Variants in SIPA1L3 observed in about 807,000 individuals in gnomAD.
SIPA1L3 encodes signal induced proliferation associated 1 like 3, also known as signal-induced proliferation-associated 1-like protein 3.
In SIPA1L3, 59 loss-of-function variants were observed where a neutral mutation model predicts 150.1. The ratio of observed to expected loss-of-function variants is 0.39; its 90% CI spans 0.32 to 0.49. The LOEUF is 0.49. Ranked by LOEUF, SIPA1L3 falls within the 20% of genes least tolerant of loss-of-function variation. The pLI, the probability that SIPA1L3 is intolerant of heterozygous loss-of-function variation, is 0.86. For synonymous variants in SIPA1L3, 1,070 were observed against 1,077.6 expected, an observed-to-expected ratio of 0.99 and a Z score of 0.14; for missense variants, 2,211 against 2,489.5, an observed-to-expected ratio of 0.89 and a Z score of 2.38.
At chr19:37,911,361 A>G (rs1420395543) in intron 1 of SIPA1L3, among the ~76,000 whole-genome samples, 2 of 152,038 alleles carry the variant, frequency 1.3e-5, no homozygotes, top group African/African-American at 2.4e-5. Flanking sequence ...AGTTTTTTCA[A>G]TTAATGGCTG....
chr19:38,023,174 C>G (rs1160473714), intron 1 of SIPA1L3, among the ~76,000 whole-genome samples: 2 of 152,196 alleles, frequency 1.3e-5, no homozygotes, highest in Non-Finnish European at 1.5e-5. Flanking sequence ...CGTGGGGCCC[C>G]CAGCACAGTG....
At position 37,913,748 on chromosome 19, in the gene SIPA1L3, G is replaced by A. The variant is rs191347366; in HGVS notation, c.-379+6390G>A. Among the ~76,000 whole-genome samples the A allele has an allele frequency of 1.4e-3, 207 of 149,856 alleles. 1 individual carries two copies. Among genetic ancestry groups the A allele is most frequent in the South Asian group, 2.6e-3 (12 of 4,682 alleles). On this transcript the variant is annotated intron_variant, in intron 1 of 21. Coordinates refer to ENST00000222345, the MANE Select transcript of SIPA1L3 (RefSeq NM_015073.3). Reference sequence around the variant, plus strand: ...AAAAAAAATCCTGGCTGGGCACAGCGGCTCACGCCTGTGATCACAGCACTT... The same window carrying A: ...AAAAAAAATCCTGGCTGGGCACAGCAGCTCACGCCTGTGATCACAGCACTT...
At position 38,046,880 on chromosome 19, in the gene SIPA1L3, TGTATC is replaced by T. The variant is rs1969072478; in HGVS notation, c.-311+17727_-311+17731del. 6.6e-6 allele frequency among the ~76,000 whole-genome samples: 1 copy of T among 152,046 alleles called. No individual in the cohort carries two copies. The highest frequency in any genetic ancestry group is 2.4e-5 in the African/African-American group (1 of 41,388). ...GGGGCTCTCTTTGAGAGCACTTGGG[TGTATC>T]GTGTCTCAGAAAACCCACATGGCTT... On this transcript the variant is annotated intron_variant, in intron 2 of 21. Transcript: ENST00000222345. This position sits in a 1 kb window ranked among gnomAD's most constrained non-coding sequence, Gnocchi z 5.6.
intron 1 of SIPA1L3, among the ~76,000 whole-genome samples, chr19:37,920,338 T>C (rs528297231): frequency 3.3e-5 from 5 of 152,176 alleles, no homozygotes; most frequent in African/African-American, 4.8e-5. Context: ...ATTACAGGCA[T>C]GAGCCCACCA....
intron 16 of SIPA1L3, among the ~76,000 whole-genome samples, chr19:38,188,249 G>A (rs1282952510): frequency 5.9e-5 from 9 of 151,698 alleles, no homozygotes; most frequent in Non-Finnish European, 1.2e-4. Flanking sequence ...ACAGTGGCAT[G>A]ATCACAGCTC....
At chr19:38,143,621 C>T (rs1971643024) in intron 12 of SIPA1L3, among the ~76,000 whole-genome samples, 1 of 148,884 alleles carries the variant, frequency 6.7e-6, no homozygotes, top group Non-Finnish European at 1.5e-5. Context: ...TCACTGCAAC[C>T]TCCACCTCCC....
intron 1 of SIPA1L3, among the ~76,000 whole-genome samples, chr19:38,016,950 G>A (rs1362064069): frequency 1.6e-5 from 2 of 122,846 alleles, no homozygotes; most frequent in Non-Finnish European, 3.2e-5. Flanking sequence ...AGGCTGGAGT[G>A]CAGTGGCGTG....
At chr19:38,017,547 C>G (rs1968267266) in intron 1 of SIPA1L3, among the ~76,000 whole-genome samples, 1 of 145,738 alleles carries the variant, frequency 6.9e-6, no homozygotes, top group Non-Finnish European at 1.5e-5. Context: ...TCTTTTGAGA[C>G]AGAGTCTTGC....
At chr19:38,122,722 A>G (rs1325663689) in intron 9 of SIPA1L3, among the ~76,000 whole-genome samples, 1 of 152,208 alleles carries the variant, frequency 6.6e-6, no homozygotes, top group East Asian at 1.9e-4. Flanking sequence ...TGCCCCAGCC[A>G]TGAAGACCTC....
chr19:38,095,119 T>A (rs1187886230), intron 4 of SIPA1L3, among the ~76,000 whole-genome samples: 1 of 152,138 alleles, frequency 6.6e-6, no homozygotes, highest in Non-Finnish European at 1.5e-5. Context: ...TTTAAAACTA[T>A]TAACTATGCA....
chr19:38,206,247 A>G lies in SIPA1L3; in HGVS notation c.*7A>G. On this transcript the variant is annotated 3_prime_UTR_variant, in exon 22 of 22. Coordinates refer to ENST00000222345, the MANE Select transcript of SIPA1L3 (RefSeq NM_015073.3). ...GGAGAAGAAGGAGCTCTGAGGTGGG[A>G]GGCCGCCGCCCGCCTTCGCTCCTTC... The G allele has an allele frequency of 6.5e-7, 1 of 1,544,020 alleles. No homozygotes were observed. Among genetic ancestry groups the G allele is most frequent in the Non-Finnish European group, 8.8e-7 (1 of 1,140,970 alleles).
intron 1 of SIPA1L3, among the ~76,000 whole-genome samples, chr19:37,990,436 G>A (rs1008603750): frequency 6.6e-6 from 1 of 152,216 alleles, no homozygotes; most frequent in Non-Finnish European, 1.5e-5. Flanking sequence ...GTGAATACCT[G>A]TGGAACTTTG....
At chr19:38,033,204 A>C (rs1463567725) in intron 2 of SIPA1L3, among the ~76,000 whole-genome samples, 1 of 152,268 alleles carries the variant, frequency 6.6e-6, no homozygotes, top group Non-Finnish European at 1.5e-5. Context: ...TCCCCGCAAT[A>C]GAAAAGGAAA....
chr19:38,150,189 G>A (rs1183954853), intron 12 of SIPA1L3, among the ~76,000 whole-genome samples: 1 of 152,190 alleles, frequency 6.6e-6, no homozygotes, highest in Non-Finnish European at 1.5e-5. Flanking sequence ...TTTGGGCCCT[G>A]TTTTCCTTTC....
chr19:38,070,440 A>G (rs1339620785), intron 2 of SIPA1L3, among the ~76,000 whole-genome samples: 1 of 152,136 alleles, frequency 6.6e-6, no homozygotes, highest in Admixed American at 6.6e-5. Context: ...GCGTTTCTCT[A>G]CTGGAGGTCC....
At chr19:37,990,395 A>G (rs1967473298) in intron 1 of SIPA1L3, among the ~76,000 whole-genome samples, 1 of 152,204 alleles carries the variant, frequency 6.6e-6, no homozygotes, top group South Asian at 2.1e-4. Context: ...TATGGGAGGA[A>G]AGCAGCCAGT....
In SIPA1L3 at chr19:38,130,553, G is replaced by A; in HGVS notation, c.2924G>A (p.Gly975Glu). The part of the protein sequence containing the change: ...VDMTLRRNGL[G>E]QLGFHVKYDG... ...ATGACGCTTCGGCGGAACGGGCTCG[G>A]GCAGCTGGGCTTCCACGTGAAGTAC... is the stretch of plus-strand genomic sequence containing the variant. Residue 975 changes from glycine to glutamate, a missense_variant, in exon 10 of 22, where the codon GGG (glycine) becomes GAG (glutamate). By Grantham distance (98) the Gly-to-Glu change is moderately conservative. Transcript: ENST00000222345. The A allele has an allele frequency of 6.2e-7, 1 of 1,613,782 alleles. No individual in the cohort carries two copies. The highest frequency in any genetic ancestry group is 8.5e-7 in the Non-Finnish European group (1 of 1,180,042).
At chr19:38,161,396 T>C (rs1407935524) in intron 13 of SIPA1L3, among the ~76,000 whole-genome samples, 2 of 150,416 alleles carry the variant, frequency 1.3e-5, no homozygotes, top group African/African-American at 4.9e-5. Context: ...ATTGCTACCT[T>C]GCATATGTAA....
intron 13 of SIPA1L3, among the ~76,000 whole-genome samples, chr19:38,159,897 G>A (rs1015975846): frequency 5.3e-5 from 8 of 152,154 alleles, no homozygotes; most frequent in African/African-American, 7.2e-5. Flanking sequence ...TCAGCTTTGG[G>A]GTTAAATCAC....
Sources: allele counts gnomAD v4.1 joint callset (sites outside exome capture counted in the v4.1 genomes callset), GRCh38; gene constraint gnomAD v4.1.1; non-coding constraint Gnocchi (gnomAD v3.1); transcripts MANE v1.5; gene names NCBI Gene and HGNC (gene_info 2026-07-23, HGNC 2026-07-21).